The following RSPO4 variants were observed in gnomAD, a reference collection of about 807,000 sequenced individuals.
The protein encoded by RSPO4 is R-spondin-4.
RSPO4 carries 23 observed loss-of-function variants against 24.8 expected under a neutral mutation model. The observed-to-expected ratio is 0.93, with a 90% CI of 0.67 to 1.31. The LOEUF (loss-of-function observed/expected upper bound fraction) is 1.31, where lower values mean the gene tolerates loss of function less well. Ranked by LOEUF, RSPO4 falls within the 40% of genes most tolerant of loss-of-function variation. The pLI is 0.00. For synonymous variants in RSPO4, 141 were observed against 127.4 expected, an observed-to-expected ratio of 1.11 and a Z score of -0.72; for missense variants, 333 against 316.5, an observed-to-expected ratio of 1.05 and a Z score of -0.39.
chr20:967,133 G>A lies in RSPO4; in HGVS notation c.409+41C>T, dbSNP rs915418373. ...TCTCACCAAGCCCCCGCTCCAGGGA[G>A]AGGGGAGGGGCAGGGGCAGGGCGGG... On this transcript the variant is annotated intron_variant, in intron 3 of 4. Transcript: ENST00000217260. The A allele has an allele frequency of 1.9e-6, 3 of 1,598,956 alleles. No homozygotes were observed. The African/African-American group carries it at 4.0e-5, about 21-fold the overall frequency.
intron 1 of RSPO4, among the ~76,000 whole-genome samples, chr20:984,753 C>T (rs764326940): frequency 1.4e-4 from 21 of 152,164 alleles, no homozygotes; most frequent in South Asian, 6.2e-4. Context: ...TGTGTGTCCT[C>T]AGGCAAGTGT....
At chr20:963,530 C>T (rs1252984975) in intron 4 of RSPO4, among the ~76,000 whole-genome samples, 2 of 152,104 alleles carry the variant, frequency 1.3e-5, no homozygotes, top group Admixed American at 1.3e-4. Context: ...CCAAGCGCTT[C>T]CATCAAGAAA....
chr20:984,956 CA>C (rs1221251875), intron 1 of RSPO4, among the ~76,000 whole-genome samples: 1 of 148,296 alleles, frequency 6.7e-6, no homozygotes, highest in African/African-American at 2.5e-5. Flanking sequence ...TCCATCCACC[CA>C]CCCACCCATC....
chr20:992,636 T>G (rs1485585378), intron 1 of RSPO4, among the ~76,000 whole-genome samples: 4 of 151,988 alleles, frequency 2.6e-5, no homozygotes, highest in Non-Finnish European at 5.9e-5. Context: ...AGGTAGATGC[T>G]CTTATTGTCC....
At chr20:999,394 A>G (rs1253859844) in intron 1 of RSPO4, among the ~76,000 whole-genome samples, 1 of 152,072 alleles carries the variant, frequency 6.6e-6, no homozygotes, top group Non-Finnish European at 1.5e-5. Flanking sequence ...GCATTTCCCA[A>G]TCTATTTGAC....
chr20:980,130 G>C (rs764611269), intron 1 of RSPO4, among the ~76,000 whole-genome samples: 12 of 152,174 alleles, frequency 7.9e-5, no homozygotes, highest in Non-Finnish European at 1.5e-4. Flanking sequence ...CAGAAAGGAG[G>C]AAACTGAGGT....
At chr20:964,825 CACACACAT>C (rs751021863) in intron 3 of RSPO4, among the ~76,000 whole-genome samples, 57 of 101,178 alleles carry the variant, frequency 5.6e-4, no homozygotes, top group Admixed American at 1.6e-3. Context: ...CACACACACA[CACACACAT>C]ATATATATAT....
At chr20:962,686 C>T (rs977081066) in intron 4 of RSPO4, among the ~76,000 whole-genome samples, 7 of 152,192 alleles carry the variant, frequency 4.6e-5, no homozygotes, top group African/African-American at 1.7e-4. Flanking sequence ...TAGCACAAGT[C>T]CTTCTGAAAG....
chr20:961,216 T>C (rs1252738258), intron 4 of RSPO4, among the ~76,000 whole-genome samples: 2 of 152,178 alleles, frequency 1.3e-5, no homozygotes, highest in African/African-American at 2.4e-5. Flanking sequence ...CACAGCATGG[T>C]TGGGAGCAAG....
chr20:985,200 C>CCCATCCAT lies in RSPO4; in HGVS notation c.79+16878_79+16885dup, dbSNP rs149715063. Among the ~76,000 whole-genome samples the CCCATCCAT allele has an allele frequency of 2.1e-3, 231 of 109,420 alleles. 5 individuals are homozygous for CCCATCCAT. Among genetic ancestry groups the CCCATCCAT allele is most frequent in the African/African-American group, 8.9e-3 (172 of 19,292 alleles). 71.8% of individuals were successfully genotyped at this position (109,420 alleles called of 152,430 possible). On this transcript the variant is annotated intron_variant, in intron 1 of 4. Transcript: ENST00000217260. ...CCATCTGCCCACCCATCTATCCATC[C>CCCATCCAT]CCATCCATCCATCCATCCATCCACC...
chr20:958,826 C>T lies in RSPO4; in HGVS notation c.*1531G>A, dbSNP rs1983878935. ...CCTTGGAGCTCCGACTCTTGCTTCT[C>T]CTGCCCATTCCTGTCCCAGTCACGG... is the stretch of plus-strand genomic sequence containing the variant. On this transcript the variant is annotated 3_prime_UTR_variant, in exon 5 of 5. Transcript: ENST00000217260. The T allele has an allele frequency of 6.6e-6, 1 of 152,446 alleles. No individual in the cohort carries two copies. Among genetic ancestry groups the T allele is most frequent in the Non-Finnish European group, 1.5e-5 (1 of 68,266 alleles). 9.4% of individuals were successfully genotyped at this position (152,446 alleles called of 1,614,324 possible). A position where few individuals can be genotyped will look rare whatever the true frequency, so the allele number is the denominator to read the frequency against.
At chr20:995,317 A>C (rs1968784266) in intron 1 of RSPO4, among the ~76,000 whole-genome samples, 1 of 152,166 alleles carries the variant, frequency 6.6e-6, no homozygotes, top group Non-Finnish European at 1.5e-5. Flanking sequence ...TTTTGGAATT[A>C]AGAAGACCCA....
In RSPO4 at chr20:981,152, C is replaced by T. The variant is rs1046337307; in HGVS notation, c.80-13014G>A. Among the ~76,000 whole-genome samples the T allele has an allele frequency of 1.3e-5, 2 of 152,206 alleles. No homozygotes were observed. Among genetic ancestry groups the T allele is most frequent in the African/African-American group, 2.4e-5 (1 of 41,448 alleles). The stretch of plus-strand genomic sequence containing the variant: ...AACCCACAGCTGATGAAACCCCAGA[C>T]TCATTCTACTGTGTCACACTGCCTT... On this transcript the variant is annotated intron_variant, in intron 1 of 4. Transcript: ENST00000217260. This position sits in a 1 kb window ranked among gnomAD's most constrained non-coding sequence, Gnocchi z 4.6.
intron 1 of RSPO4, among the ~76,000 whole-genome samples, chr20:969,839 A>G (rs1984353838): frequency 6.6e-6 from 1 of 152,130 alleles, no homozygotes; most frequent in African/African-American, 2.4e-5. Flanking sequence ...CAATTGGGGA[A>G]ACAGTAAATG....
intron 1 of RSPO4, among the ~76,000 whole-genome samples, chr20:983,528 C>T (rs62187528): frequency 1.3e-5 from 2 of 152,124 alleles, no homozygotes; most frequent in Non-Finnish European, 2.9e-5. Context: ...TTGGATACCC[C>T]CTAAGGAACC....
At chr20:977,938 A>G (rs1372954879) in intron 1 of RSPO4, among the ~76,000 whole-genome samples, 2 of 152,116 alleles carry the variant, frequency 1.3e-5, no homozygotes, top group African/African-American at 2.4e-5. Flanking sequence ...CCGCCTGCCC[A>G]CTCAGGCCTC....
In RSPO4 at chr20:992,214, T is replaced by TCCCATCCTCACTGC. The variant is rs369828022; in HGVS notation, c.79+9858_79+9871dup. ...ACGCACACGGATGCATGTTACATCATCCCATCCTCACTGCCCCATCCTCAC... is the reference window on the plus strand; with the variant it reads ...ACGCACACGGATGCATGTTACATCATCCCATCCTCACTGCCCCATCCTCACTGCCCCATCCTCAC... On this transcript the variant is annotated intron_variant, in intron 1 of 4. Coordinates refer to ENST00000217260, the MANE Select transcript of RSPO4 (RefSeq NM_001029871.4). 6.1e-3 allele frequency among the ~76,000 whole-genome samples: 915 copies of TCCCATCCTCACTGC among 150,644 alleles called. 6 individuals carry two copies. The highest frequency in any genetic ancestry group is 0.021 in the African/African-American group (847 of 40,744).
At chr20:961,589 C>G (rs74975420) in intron 4 of RSPO4, among the ~76,000 whole-genome samples, 5,974 of 152,218 alleles carry the variant, frequency 0.039, 394 homozygotes, top group African/African-American at 0.14. Flanking sequence ...AGCACTGAGG[C>G]CAACTCCCAC....
intron 4 of RSPO4, among the ~76,000 whole-genome samples, chr20:961,351 T>C (rs1983992223): frequency 1.3e-5 from 2 of 152,308 alleles, no homozygotes; most frequent in South Asian, 4.1e-4. Flanking sequence ...AACCTGAGGC[T>C]CCATGAGTCA....
Sources: gnomAD v4.1 joint callset for allele counts (sites outside exome capture counted in the v4.1 genomes callset) on GRCh38, gnomAD v4.1.1 for gene constraint, Gnocchi (gnomAD v3.1) non-coding constraint, MANE v1.5 for transcripts, NCBI Gene and HGNC (gene_info 2026-07-23, HGNC 2026-07-21) for gene names.